RBFOX1: variants seen among roughly 807,000 people sequenced by gnomAD.
RBFOX1 encodes RNA binding protein fox-1 homolog 1.
In RBFOX1, 8 loss-of-function variants were observed where a neutral mutation model predicts 57.7. The observed-to-expected ratio is 0.14, with a 90% CI of 0.08 to 0.25. RBFOX1 has a LOEUF of 0.25. RBFOX1 is among the 10% of genes least tolerant of loss of function. The pLI is 1.00. For missense variants in RBFOX1, 611 were observed against 548.5 expected (o/e 1.11, Z -1.14); for synonymous variants, 326 against 222.4 (o/e 1.47, Z -4.15).
At chr16:5,556,288 G>A (rs2045673172) in intron 2 of RBFOX1, among the ~76,000 whole-genome samples, 1 of 152,134 alleles carries the variant, frequency 6.6e-6, no homozygotes, top group Non-Finnish European at 1.5e-5. Flanking sequence ...GCTATCAAAG[G>A]GATCTCAGTG....
chr16:7,012,318 A>T (rs1026332940), intron 3 of RBFOX1, among the ~76,000 whole-genome samples: 2 of 152,188 alleles, frequency 1.3e-5, no homozygotes, highest in African/African-American at 4.8e-5. Flanking sequence ...GTGAGATCTC[A>T]TAACTACTAG....
At chr16:7,277,128 C>G (rs1226192510) in intron 4 of RBFOX1, among the ~76,000 whole-genome samples, 2 of 152,172 alleles carry the variant, frequency 1.3e-5, no homozygotes, top group Non-Finnish European at 2.9e-5. Context: ...TACTGCTGTT[C>G]TGTTCTCAGA....
intron 4 of RBFOX1, among the ~76,000 whole-genome samples, chr16:7,110,406 G>T (rs202122281): frequency 6.6e-6 from 1 of 151,670 alleles, no homozygotes; most frequent in African/African-American, 2.4e-5. Context: ...ACATTGAGGG[G>T]TTGAAAGATG....
chr16:5,260,315 C>A (rs576303703), intron 1 of RBFOX1, among the ~76,000 whole-genome samples: 13 of 152,232 alleles, frequency 8.5e-5, no homozygotes, highest in African/African-American at 2.4e-4. Flanking sequence ...AATCTCACGA[C>A]CCCAAGAAAT....
chr16:5,315,910 G>A (rs2064224665), intron 1 of RBFOX1, among the ~76,000 whole-genome samples: 1 of 152,128 alleles, frequency 6.6e-6, no homozygotes. Context: ...TCATAGGCCT[G>A]TCTTTGGAGA....
intron 2 of RBFOX1, among the ~76,000 whole-genome samples, chr16:5,480,201 T>C (rs1259845564): frequency 2.6e-5 from 4 of 152,214 alleles, no homozygotes; most frequent in Admixed American, 2.6e-4. Flanking sequence ...AAATCCCTGC[T>C]GTGCTCTGTA....
chr16:6,041,378 T>C (rs1368795436), intron 1 of RBFOX1, among the ~76,000 whole-genome samples: 1 of 152,132 alleles, frequency 6.6e-6, no homozygotes, highest in East Asian at 1.9e-4. Context: ...TTCAGACATG[T>C]TTTAAACAAC....
chr16:7,556,604 C>T (rs1567811886), intron 5 of RBFOX1, among the ~76,000 whole-genome samples: 1 of 152,106 alleles, frequency 6.6e-6, no homozygotes, highest in African/African-American at 2.4e-5. Context: ...GTTTCATTCA[C>T]CTAAGAAAGC....
At chr16:6,011,907 C>T (rs1596401178) in intron 4 of RBFOX1, among the ~76,000 whole-genome samples, 1 of 152,060 alleles carries the variant, frequency 6.6e-6, no homozygotes, top group Admixed American at 6.6e-5. Context: ...AACACTCAGC[C>T]CAATATGAAG....
Position 7,579,774 on chromosome 16 carries a change from T to C in RBFOX1, c.271-3T>C, listed in dbSNP as rs757902512. 1 of 1,614,052 alleles carries C rather than the reference T, an allele frequency of 6.2e-7. No individual in the cohort carries two copies. The highest frequency in any genetic ancestry group is 1.1e-5 in the South Asian group (1 of 91,072). ...CCTCTTCGGTTTCTTCTTGTTCTTT[T>C]AGCAGACAGATGACGCAGCACCGAC... On this transcript the variant is annotated splice_region_variant and splice_polypyrimidine_tract_variant and intron_variant, in intron 5 of 15. Transcript: ENST00000550418.
intron 4 of RBFOX1, among the ~76,000 whole-genome samples, chr16:7,052,400 T>C (rs1568553466): frequency 6.6e-6 from 1 of 152,208 alleles, no homozygotes; most frequent in Non-Finnish European, 1.5e-5. Flanking sequence ...GAGGTCTAAG[T>C]AATAACAAAG....
chr16:5,647,656 T>G (rs895466810), intron 3 of RBFOX1, among the ~76,000 whole-genome samples: 1 of 152,168 alleles, frequency 6.6e-6, no homozygotes, highest in Admixed American at 6.5e-5. Flanking sequence ...AGTCAGTACC[T>G]TCTCTGATTA....
intron 2 of RBFOX1, among the ~76,000 whole-genome samples, chr16:6,438,648 G>T (rs1057427458): frequency 6.6e-6 from 1 of 152,114 alleles, no homozygotes; most frequent in African/African-American, 2.4e-5. Context: ...CTCTGAGTTG[G>T]GGTTGGCGTT....
chr16:7,427,628 T>G (rs1384090342), intron 4 of RBFOX1, among the ~76,000 whole-genome samples: 1 of 151,558 alleles, frequency 6.6e-6, no homozygotes, highest in Non-Finnish European at 1.5e-5. Flanking sequence ...CTTCTTCTTT[T>G]TATTTTTTTT....
rs1436375461 is a variant in RBFOX1 at position 6,622,962 on chromosome 16, C to G, written c.-63-31641C>G. ...TCTCAGGGTCTTCTTACTTTAGACT[C>G]TTTGACATCCTTGGGCAATTAAAGA... On this transcript the variant is annotated intron_variant, in intron 2 of 15. Transcript: ENST00000550418. 1.3e-5 allele frequency among the ~76,000 whole-genome samples: 2 copies of G among 152,180 alleles called. 1 individual carries two copies. The highest frequency in any genetic ancestry group is 3.9e-4 in the East Asian group (2 of 5,186).
chr16:6,860,720 T>A (rs1448126915), intron 3 of RBFOX1, among the ~76,000 whole-genome samples: 1 of 152,244 alleles, frequency 6.6e-6, no homozygotes, highest in African/African-American at 2.4e-5. Flanking sequence ...AATAAATAAA[T>A]TAGATCTCTG....
chr16:5,835,154 T>G (rs1219770318), intron 3 of RBFOX1, among the ~76,000 whole-genome samples: 2 of 152,166 alleles, frequency 1.3e-5, no homozygotes, highest in African/African-American at 4.8e-5. Flanking sequence ...GCTGTAGAAT[T>G]GCAGAAGGCA....
chr16:6,280,940 A>G (rs1031201211), intron 1 of RBFOX1, among the ~76,000 whole-genome samples: 1 of 150,210 alleles, frequency 6.7e-6, no homozygotes, highest in Non-Finnish European at 1.5e-5. Flanking sequence ...CATGCTAGCA[A>G]TGCTAGCAAC....
rs1490988847 is a variant in RBFOX1, at chr16:5,594,701, A to G, written c.259-4201A>G. 2.0e-5 allele frequency among the ~76,000 whole-genome samples: 3 copies of G among 152,178 alleles called. No individual in the cohort carries two copies. In the East Asian group the frequency reaches 5.8e-4, roughly 29 times the overall value. On this transcript the variant is annotated intron_variant, in intron 2 of 2. Coordinates refer to the RBFOX1 transcript ENST00000585867. ...TAGATAGGCATTTATGTCATTGAGC[A>G]GAGAGGTGACTTTGAATGCAATGGG... is the stretch of plus-strand genomic sequence containing the variant.
Sources: gnomAD v4.1 joint callset for allele counts (sites outside exome capture counted in the v4.1 genomes callset) on GRCh38, gnomAD v4.1.1 for gene constraint, MANE v1.5 for transcripts, NCBI Gene and HGNC (gene_info 2026-07-23, HGNC 2026-07-21) for gene names.